Variants in SGCD observed in about 807,000 individuals in gnomAD.
The protein encoded by SGCD is sarcoglycan delta, also known as delta-sarcoglycan.
Under a neutral mutation model 36.6 loss-of-function variants are expected in SGCD, and 18 were observed. The observed-to-expected ratio is 0.49, with a 90% CI of 0.34 to 0.73. The LOEUF (loss-of-function observed/expected upper bound fraction) is 0.73. Ranked by LOEUF, SGCD falls within the 30% of genes least tolerant of loss-of-function variation. The pLI is 0.01. For synonymous variants in SGCD, 133 were observed against 130.6 expected (o/e 1.02, Z -0.12); for missense variants, 387 against 346.7 (o/e 1.12, Z -0.92).
At chr5:156,123,665 AT>A (rs1239152917) in intron 2 of SGCD, among the ~76,000 whole-genome samples, 4 of 151,718 alleles carry the variant, frequency 2.6e-5, no homozygotes, top group East Asian at 1.9e-4. Flanking sequence ...ATACTATGAA[AT>A]TTTTTTTTGG....
intron 1 of SGCD, among the ~76,000 whole-genome samples, chr5:155,890,462 A>G (rs1014546691): frequency 1.3e-5 from 2 of 150,350 alleles, no homozygotes; most frequent in African/African-American, 5.0e-5. Context: ...TTACCTCTAC[A>G]AAAAATACAA....
intron 3 of SGCD, 70 bp downstream of exon 3, chr5:156,344,747 A>C: frequency 8.1e-7 from 1 of 1,229,766 alleles, no homozygotes; most frequent in Non-Finnish European, 1.2e-6. Flanking sequence ...ATGATGAAGG[A>C]ATGTGGAAAA....
At chr5:156,501,971 G>A (rs1225185438) in intron 3 of SGCD, among the ~76,000 whole-genome samples, 1 of 151,872 alleles carries the variant, frequency 6.6e-6, no homozygotes, top group Non-Finnish European at 1.5e-5. Context: ...ACCATTTAAA[G>A]AGGAAAATAA....
intron 7 of SGCD, among the ~76,000 whole-genome samples, chr5:156,652,803 C>T (rs1763512956): frequency 6.6e-6 from 1 of 151,864 alleles, no homozygotes; most frequent in Admixed American, 6.6e-5. Flanking sequence ...TTTTCTCATA[C>T]AGGGATGTTG....
chr5:155,913,161 G>A (rs1286455783), intron 1 of SGCD, among the ~76,000 whole-genome samples: 3 of 152,160 alleles, frequency 2.0e-5, no homozygotes, highest in Admixed American at 6.6e-5. Context: ...TTAGGAAAGA[G>A]GGATACCTTT....
intron 3 of SGCD, among the ~76,000 whole-genome samples, chr5:156,197,471 C>CTTTTTTTTTTTT (rs1365626587): frequency 9.2e-6 from 1 of 109,112 alleles, no homozygotes; most frequent in African/African-American, 3.5e-5. Flanking sequence ...GAATAGTTTT[C>CTTTTTTTTTTTT]CTTTTTTTTT....
intron 1 of SGCD, among the ~76,000 whole-genome samples, chr5:155,880,352 C>T (rs1755857697): frequency 6.6e-6 from 1 of 152,146 alleles, no homozygotes; most frequent in Non-Finnish European, 1.5e-5. Context: ...ATATTATTCT[C>T]AAAATTAGAA....
At chr5:156,398,642 C>T (rs533561081) in intron 3 of SGCD, among the ~76,000 whole-genome samples, 8 of 152,262 alleles carry the variant, frequency 5.3e-5, no homozygotes, top group African/African-American at 1.7e-4. Context: ...CAGATGTGAC[C>T]AAGTGCATAG....
the SGCD span, among the ~76,000 whole-genome samples, chr5:155,761,614 T>C: frequency 7.1e-6 from 1 of 140,580 alleles, no homozygotes; most frequent in African/African-American, 2.9e-5. Flanking sequence ...CTCTCCATCA[T>C]CCTCATCATC....
At chr5:156,594,243 G>T (rs1257130609) in intron 5 of SGCD, among the ~76,000 whole-genome samples, 2 of 152,130 alleles carry the variant, frequency 1.3e-5, no homozygotes, top group Admixed American at 1.3e-4. Flanking sequence ...GAATATAGAT[G>T]CTATGGAATC....
the SGCD span, among the ~76,000 whole-genome samples, chr5:155,801,238 T>C: frequency 3.9e-5 from 6 of 152,152 alleles, no homozygotes; most frequent in African/African-American, 1.4e-4. Context: ...ACAAAGACAT[T>C]TCTTGTCTTG....
intron 7 of SGCD, chr5:156,739,871 C>T (rs565241889): frequency 6.6e-6 from 1 of 152,280 alleles, no homozygotes; most frequent in East Asian, 1.9e-4. Context: ...ACAAATGGAA[C>T]TGGTACTAGA....
chr5:156,017,260 A>G (rs1484527026), intron 1 of SGCD, among the ~76,000 whole-genome samples: 4 of 152,132 alleles, frequency 2.6e-5, no homozygotes, highest in Non-Finnish European at 5.9e-5. Context: ...CGCTGCAAAT[A>G]TCTTCTTCTT....
At chr5:156,586,519 T>C (rs1760501488) in intron 4 of SGCD, among the ~76,000 whole-genome samples, 1 of 152,234 alleles carries the variant, frequency 6.6e-6, no homozygotes, top group Non-Finnish European at 1.5e-5. Flanking sequence ...GAGGATTTAA[T>C]CTATGTAGAT....
intron 4 of SGCD, among the ~76,000 whole-genome samples, chr5:156,549,438 CA>C (rs1758706576): frequency 6.6e-6 from 1 of 152,218 alleles, no homozygotes; most frequent in Non-Finnish European, 1.5e-5. Context: ...ACACATTTGT[CA>C]AGCACCTGCT....
At chr5:155,778,984 C>G in the SGCD span, among the ~76,000 whole-genome samples, 1 of 152,138 alleles carries the variant, frequency 6.6e-6, no homozygotes, top group Non-Finnish European at 1.5e-5. Flanking sequence ...AAGAAGATCT[C>G]TCAAAATAAA....
chr5:156,459,878 G>C (rs1273272340), intron 3 of SGCD, among the ~76,000 whole-genome samples: 4 of 152,150 alleles, frequency 2.6e-5, no homozygotes, highest in African/African-American at 9.7e-5. Context: ...GAAGAGGTAA[G>C]TATTGGCTGA....
chr5:155,765,052 G>A, the SGCD span, among the ~76,000 whole-genome samples: 3 of 152,026 alleles, frequency 2.0e-5, no homozygotes, highest in African/African-American at 7.3e-5. Flanking sequence ...GTTGAGGTGG[G>A]AAGATCACTT....
intron 3 of SGCD, among the ~76,000 whole-genome samples, chr5:156,206,566 T>C (rs530658871): frequency 6.6e-6 from 1 of 152,224 alleles, no homozygotes; most frequent in East Asian, 1.9e-4. Flanking sequence ...ATAAGAAATG[T>C]AAACTTTATT....
Sources: allele counts gnomAD v4.1 joint callset (sites outside exome capture counted in the v4.1 genomes callset), GRCh38; gene constraint gnomAD v4.1.1; transcripts MANE v1.5; gene names NCBI Gene and HGNC (gene_info 2026-07-23, HGNC 2026-07-21).